Variants in CCDC50 observed in about 807,000 individuals in gnomAD.
CCDC50 encodes the protein coiled-coil domain-containing protein 50.
A neutral mutation model predicts 70.2 loss-of-function variants in CCDC50; 54 were observed. The ratio of observed to expected loss-of-function variants is 0.77; its 90% CI spans 0.62 to 0.96. The LOEUF is 0.96. Ranked by LOEUF, CCDC50 falls within the 50% of genes least tolerant of loss-of-function variation. CCDC50 has a pLI of 0.00. For missense variants in CCDC50, 558 were observed against 578.7 expected (o/e 0.96, Z 0.37); for synonymous variants, 216 against 198.8 (o/e 1.09, Z -0.73).
intron 1 of CCDC50, 133 bp downstream of exon 1, chr3:191,329,856 C>A: frequency 1.3e-6 from 1 of 788,902 alleles, no homozygotes; most frequent in Non-Finnish European, 1.9e-6. Flanking sequence ...CTTGCCCGGA[C>A]GTGAAAGGAA....
At position 191,395,461 on chromosome 3, in the gene CCDC50, T is replaced by A. The variant is rs2108681554; in HGVS notation, c.*3701T>A. 6.6e-6 allele frequency: 1 copy of A among 152,316 alleles called. No homozygotes were observed. Among genetic ancestry groups the A allele is most frequent in the Admixed American group, 6.5e-5 (1 of 15,292 alleles). The allele number at this position is 152,316 out of a possible 1,614,324, so 9.4% of individuals were successfully genotyped here. A position where few individuals can be genotyped will look rare whatever the true frequency, so the allele number is the denominator to read the frequency against. On this transcript the variant is annotated 3_prime_UTR_variant, in exon 12 of 12. Coordinates refer to ENST00000392455, the MANE Select transcript of CCDC50 (RefSeq NM_178335.3). ...AGTCCTAGATTTTTTATGTCTTGCC[T>A]TTGTATAAGCATCGCTTTGGGGAAT...
rs150416897 is a variant in CCDC50 at position 191,351,621 on chromosome 3, C to T, written c.50-5467C>T. Among the ~76,000 whole-genome samples the T allele has an allele frequency of 5.6e-4, 79 of 139,854 alleles. 5 individuals are homozygous for T. Among genetic ancestry groups the T allele is most frequent in the African/African-American group, 1.8e-3 (71 of 39,322 alleles). The allele number at this position is 139,854 out of a possible 152,430, so 91.7% of individuals were successfully genotyped here. ...AGGTGTGTGAGGAGAAACAATAAGG[C>T]GAAAACAAAAATGAGAGACTTCGGA... On this transcript the variant is annotated intron_variant, in intron 1 of 11. Coordinates refer to ENST00000392455, the MANE Select transcript of CCDC50 (RefSeq NM_178335.3).
rs565651456 is a variant in CCDC50 at position 191,393,530 on chromosome 3, A to G, written c.*1770A>G. 6.6e-6 allele frequency: 1 copy of G among 152,230 alleles called. No individual in the cohort carries two copies. The highest frequency in any genetic ancestry group is 1.5e-5 in the Non-Finnish European group (1 of 68,036). The allele number at this position is 152,230 out of a possible 1,614,324, so 9.4% of individuals were successfully genotyped here. ...GATTTGTAGTTTCAATGAAGTTTGT[A>G]TATTATAGGAATTTAAGTAAAATCA... On this transcript the variant is annotated 3_prime_UTR_variant, in exon 12 of 12. Transcript: ENST00000392455.
intron 10 of CCDC50, among the ~76,000 whole-genome samples, chr3:191,386,382 G>A (rs918160498): frequency 4.6e-5 from 7 of 151,826 alleles, no homozygotes; most frequent in South Asian, 2.1e-4. Flanking sequence ...CCACCACCAC[G>A]CCCAGCTAAT....
At chr3:191,352,421 C>G (rs1246125354) in intron 1 of CCDC50, among the ~76,000 whole-genome samples, 1 of 142,032 alleles carries the variant, frequency 7.0e-6, no homozygotes, top group Non-Finnish European at 1.6e-5. Context: ...CCTGCTTGGC[C>G]TATTGTAAAT....
intron 1 of CCDC50, among the ~76,000 whole-genome samples, chr3:191,337,636 C>T (rs927602230): frequency 6.6e-6 from 1 of 152,000 alleles, no homozygotes; most frequent in Non-Finnish European, 1.5e-5. Flanking sequence ...AGCCACTGCA[C>T]CCAGCCTCTT....
In CCDC50 at chr3:191,333,035, C is replaced by T. The variant is rs149389537; in HGVS notation, c.49+3312C>T. ...TTTTCTTTCCTTACAGCAGTTCTCT[C>T]AATCTCATTTTTATGTTCAATTCTT... On this transcript the variant is annotated intron_variant, in intron 1 of 11. Coordinates refer to ENST00000392455, the MANE Select transcript of CCDC50 (RefSeq NM_178335.3). Among the ~76,000 whole-genome samples the T allele has an allele frequency of 2.0e-5, 3 of 152,258 alleles. No individual in the cohort carries two copies. The East Asian group carries it at 5.8e-4, about 29-fold the overall frequency.
At chr3:191,370,162 A>G in intron 5 of CCDC50, 126 bp downstream of exon 5, 1 of 725,160 alleles carries the variant, frequency 1.4e-6, no homozygotes, top group Non-Finnish European at 2.5e-6. Flanking sequence ...CACTGGGTAC[A>G]TTTAGATGTG....
In CCDC50 at chr3:191,392,051, G is replaced by A. The variant is rs1713713463; in HGVS notation, c.*291G>A. Reference sequence around the variant, plus strand: ...TGTAAACTGCCATTTTGTTAGGTATGGAGTTTGGTATCTAGGGAGTAGGCC... The same window carrying A: ...TGTAAACTGCCATTTTGTTAGGTATAGAGTTTGGTATCTAGGGAGTAGGCC... On this transcript the variant is annotated 3_prime_UTR_variant, in exon 12 of 12. Coordinates refer to ENST00000392455, the MANE Select transcript of CCDC50 (RefSeq NM_178335.3). 5.5e-6 allele frequency: 2 copies of A among 366,048 alleles called. No homozygotes were observed. Among genetic ancestry groups the A allele is most frequent in the East Asian group, 9.9e-5 (2 of 20,220 alleles). The allele number at this position is 366,048 out of a possible 1,614,324, so 22.7% of individuals were successfully genotyped here. A position where few individuals can be genotyped will look rare whatever the true frequency, so the allele number is the denominator to read the frequency against.
chr3:191,380,921 C>A lies in CCDC50; in HGVS notation c.1231C>A (p.Pro411Thr), dbSNP rs138707536. ...ATCTTTGGACAAAAGAAAGCAAGAC[C>A]CCGAGTGGAAGGTAGAGTGTGTTTT... The part of the protein sequence containing the change: ...KSSLDKRKQD[P>T]EWKPKTAKAA... Residue 411 changes from proline to threonine, a missense_variant, in exon 9 of 12, where the codon CCC becomes ACC. By Grantham distance (38) the Pro-to-Thr change is conservative. Coordinates refer to ENST00000392455, the MANE Select transcript of CCDC50 (RefSeq NM_178335.3). 2.5e-5 allele frequency: 41 copies of A among 1,611,620 alleles called. No homozygotes were observed. In the South Asian group the frequency reaches 4.3e-4, roughly 17 times the overall value.
chr3:191,389,318 G>A (rs1381693705), intron 10 of CCDC50, among the ~76,000 whole-genome samples, 178 bp from the exon 11 acceptor site: 5 of 152,168 alleles, frequency 3.3e-5, no homozygotes, highest in Non-Finnish European at 1.5e-5. Context: ...ACAAAGGAAC[G>A]GGAAGATAAA....
intron 1 of CCDC50, among the ~76,000 whole-genome samples, chr3:191,337,667 T>C (rs1279001337): frequency 6.6e-6 from 1 of 151,840 alleles, no homozygotes; most frequent in East Asian, 1.9e-4. Flanking sequence ...GAAAAAAAAA[T>C]TACACTCCGG....
chr3:191,369,287 C>CT (rs543127399), intron 4 of CCDC50, among the ~76,000 whole-genome samples: 22 of 148,552 alleles, frequency 1.5e-4, no homozygotes, highest in Admixed American at 1.1e-3. Context: ...ATTGTAGTTA[C>CT]TTTTTTTTTT....
At chr3:191,378,485 G>A (rs1323559151) in intron 6 of CCDC50, among the ~76,000 whole-genome samples, 1 of 152,128 alleles carries the variant, frequency 6.6e-6, no homozygotes, top group Non-Finnish European at 1.5e-5. Context: ...TGGCAAAAGT[G>A]AAGGAGGTAG....
intron 1 of CCDC50, among the ~76,000 whole-genome samples, chr3:191,342,608 T>C (rs1179772685): frequency 6.6e-6 from 1 of 152,146 alleles, no homozygotes; most frequent in Non-Finnish European, 1.5e-5. Context: ...TGGCTGGGTT[T>C]ATCCTACAGA....
Position 191,380,747 on chromosome 3 carries a change from T to C in CCDC50, c.1137+16T>C. 1 of 1,612,366 alleles carries C rather than the reference T, an allele frequency of 6.2e-7. No homozygotes were observed. The highest frequency in any genetic ancestry group is 8.5e-7 in the Non-Finnish European group (1 of 1,178,936). ...TCAAGATGAAGTAAGTTAATGAGTT[T>C]AGCTGATATTCTTTGGAAATATCCT... is the stretch of plus-strand genomic sequence containing the variant. On this transcript the variant is annotated intron_variant, in intron 8 of 11. Coordinates refer to ENST00000392455, the MANE Select transcript of CCDC50 (RefSeq NM_178335.3).
intron 4 of CCDC50, among the ~76,000 whole-genome samples, chr3:191,361,787 AG>A (rs1712496719): frequency 6.6e-6 from 1 of 152,180 alleles, no homozygotes; most frequent in African/African-American, 2.4e-5. Context: ...GAATTTAGAG[AG>A]GGCACACTAT....
rs190565766 is a variant in CCDC50, at chr3:191,387,265, G to A, written c.1323-2231G>A. Among the ~76,000 whole-genome samples, 214 of 152,224 alleles carry A rather than the reference G, an allele frequency of 1.4e-3. 1 individual carries two copies. Among genetic ancestry groups the A allele is most frequent in the Non-Finnish European group, 1.8e-3 (123 of 67,992 alleles). On this transcript the variant is annotated intron_variant, in intron 10 of 11. Transcript: ENST00000392455. ...GGAGACATCCTGGTTTAAGTGTCTA[G>A]GAGGGTTTCTTAAAGAAGTGAATTT...
intron 10 of CCDC50, among the ~76,000 whole-genome samples, chr3:191,385,174 T>C (rs445914): frequency 0.42 from 64,213 of 152,122 alleles, 15,241 homozygotes; most frequent in Non-Finnish European, 0.53. Context: ...TTTGGGTATA[T>C]ACCCAGTAAT....
Sources: allele counts gnomAD v4.1 joint callset (sites outside exome capture counted in the v4.1 genomes callset), GRCh38; gene constraint gnomAD v4.1.1; transcripts MANE v1.5; gene names NCBI Gene and HGNC (gene_info 2026-07-23, HGNC 2026-07-21).